PIP4K2A: variants seen among roughly 807,000 people sequenced by gnomAD.
The protein encoded by PIP4K2A is phosphatidylinositol-5-phosphate 4-kinase type 2 alpha, also known as phosphatidylinositol 5-phosphate 4-kinase type-2 alpha.
A neutral mutation model predicts 42.9 loss-of-function variants in PIP4K2A; 14 were observed. The observed-to-expected ratio is 0.33, with a 90% CI of 0.22 to 0.51. The LOEUF (loss-of-function observed/expected upper bound fraction) is 0.51. Among genes scored for constraint, PIP4K2A ranks in the 20% least tolerant of loss-of-function variants. PIP4K2A has a pLI of 0.97. For synonymous variants in PIP4K2A, 192 were observed against 192.2 expected (o/e 1.00, Z 0.01); for missense variants, 434 against 519.8 (o/e 0.83, Z 1.61).
At chr10:22,566,798 G>T (rs116798643) in intron 6 of PIP4K2A, among the ~76,000 whole-genome samples, 69 of 152,270 alleles carry the variant, frequency 4.5e-4, no homozygotes, top group African/African-American at 1.7e-3. Flanking sequence ...CCCAGCCTGA[G>T]CCAGGCGCCC....
intron 1 of PIP4K2A, among the ~76,000 whole-genome samples, chr10:22,664,270 TACAC>T (rs1344693538): frequency 7.3e-6 from 1 of 136,588 alleles, no homozygotes; most frequent in Non-Finnish European, 1.6e-5. Flanking sequence ...TACACACACA[TACAC>T]ACATACACGA....
chr10:22,618,088 A>G (rs1379144031), intron 1 of PIP4K2A, among the ~76,000 whole-genome samples: 3 of 152,210 alleles, frequency 2.0e-5, no homozygotes, highest in Non-Finnish European at 2.9e-5. Context: ...CAGATTCCCT[A>G]GACTCTGCAA....
intron 1 of PIP4K2A, among the ~76,000 whole-genome samples, chr10:22,619,393 A>G (rs2798982): frequency 0.24 from 36,450 of 150,542 alleles, 7,181 homozygotes; most frequent in African/African-American, 0.55. Context: ...CAAGAGGTCA[A>G]TTTTCTACAG....
At chr10:22,600,435 C>T (rs1785482731) in intron 3 of PIP4K2A, among the ~76,000 whole-genome samples, 1 of 152,140 alleles carries the variant, frequency 6.6e-6, no homozygotes, top group Admixed American at 6.5e-5. Flanking sequence ...GGAGAGAGCA[C>T]TGTGTCCCTC....
intron 1 of PIP4K2A, among the ~76,000 whole-genome samples, chr10:22,662,932 C>A (rs1839231363): frequency 1.3e-5 from 2 of 152,216 alleles, no homozygotes; most frequent in South Asian, 2.1e-4. Flanking sequence ...GCAATGCAGC[C>A]CCCACGCAGT....
chr10:22,555,179 T>C (rs1448732923), intron 6 of PIP4K2A, among the ~76,000 whole-genome samples: 1 of 152,116 alleles, frequency 6.6e-6, no homozygotes, highest in African/African-American at 2.4e-5. Flanking sequence ...GCTTTCCACG[T>C]AGGAGACAAA....
chr10:22,579,306 G>C (rs1837202063), intron 4 of PIP4K2A, among the ~76,000 whole-genome samples: 1 of 152,148 alleles, frequency 6.6e-6, no homozygotes, highest in South Asian at 2.1e-4. Context: ...TGAGGAAAGG[G>C]GTGGAGCAGA....
At chr10:22,697,677 G>A (rs942279496) in intron 1 of PIP4K2A, among the ~76,000 whole-genome samples, 5 of 152,088 alleles carry the variant, frequency 3.3e-5, no homozygotes, top group African/African-American at 4.8e-5. Flanking sequence ...AGTGAGCTAT[G>A]ATCACACCAC....
chr10:22,607,840 G>A, intron 3 of PIP4K2A, 87 bp downstream of exon 3: 1 of 740,820 alleles, frequency 1.3e-6, no homozygotes, highest in Non-Finnish European at 2.3e-6. Flanking sequence ...TACTTTTATT[G>A]ACAAAAATAC....
At chr10:22,636,493 C>A (rs979524401) in intron 1 of PIP4K2A, among the ~76,000 whole-genome samples, 1 of 152,154 alleles carries the variant, frequency 6.6e-6, no homozygotes, top group Admixed American at 6.5e-5. Context: ...GAACTTCTGG[C>A]CTCAAGCGAT....
intron 3 of PIP4K2A, among the ~76,000 whole-genome samples, chr10:22,607,107 AT>A (rs1837922322): frequency 6.6e-6 from 1 of 152,122 alleles, no homozygotes; most frequent in Admixed American, 6.6e-5. Flanking sequence ...TGGATTTCAG[AT>A]TTTCTGATTG....
At chr10:22,549,351 CTTT>C (rs74261081) in intron 7 of PIP4K2A, among the ~76,000 whole-genome samples, 1 of 141,862 alleles carries the variant, frequency 7.0e-6, no homozygotes, top group African/African-American at 2.6e-5. Flanking sequence ...TTTTCTTTTT[CTTT>C]TTTTTTTTTT....
At chr10:22,546,547 G>A (rs998154945) in intron 7 of PIP4K2A, among the ~76,000 whole-genome samples, 2 of 152,204 alleles carry the variant, frequency 1.3e-5, no homozygotes, top group South Asian at 4.2e-4. Context: ...TAGTAGCTAG[G>A]ACCACAGGCA....
intron 3 of PIP4K2A, among the ~76,000 whole-genome samples, chr10:22,594,185 C>A (rs1368841703): frequency 6.6e-6 from 1 of 152,194 alleles, no homozygotes; most frequent in Non-Finnish European, 1.5e-5. Flanking sequence ...CTGTGTTTTA[C>A]TGGCATGCAG....
intron 1 of PIP4K2A, among the ~76,000 whole-genome samples, chr10:22,685,112 G>A (rs1839736760): frequency 6.6e-6 from 1 of 152,008 alleles, no homozygotes; most frequent in Admixed American, 6.6e-5. Context: ...ATAGGACTTT[G>A]ATTCTGAAAA....
chr10:22,659,032 C>T (rs533111757), intron 1 of PIP4K2A, among the ~76,000 whole-genome samples: 2 of 152,312 alleles, frequency 1.3e-5, no homozygotes, highest in South Asian at 4.1e-4. Flanking sequence ...AAACTTGGGT[C>T]TGCCTTGGCT....
At chr10:22,621,871 TTTTG>T (rs1838337967) in intron 1 of PIP4K2A, among the ~76,000 whole-genome samples, 2 of 152,222 alleles carry the variant, frequency 1.3e-5, no homozygotes, top group South Asian at 4.1e-4. Flanking sequence ...ACACCAGAAC[TTTTG>T]TTTTTCTTTC....
chr10:22,612,358 G>C (rs115161843), intron 1 of PIP4K2A, among the ~76,000 whole-genome samples: 1,884 of 152,352 alleles, frequency 0.012, 52 homozygotes, highest in African/African-American at 0.044. Flanking sequence ...CAGGCCAGAT[G>C]GGGGAGGCAT....
intron 7 of PIP4K2A, 38 bp from the exon 8 acceptor site, chr10:22,542,085 TA>T (rs777987173): frequency 2.1e-5 from 32 of 1,549,810 alleles, no homozygotes; most frequent in Non-Finnish European, 2.8e-5. Context: ...AGCCACACCT[TA>T]AACATAAAAG....
Sources: gnomAD v4.1 joint callset for allele counts (sites outside exome capture counted in the v4.1 genomes callset) on GRCh38, gnomAD v4.1.1 for gene constraint, MANE v1.5 for transcripts, NCBI Gene and HGNC (gene_info 2026-07-23, HGNC 2026-07-21) for gene names.